The following SEMA6A variants were observed in gnomAD, a reference collection of about 807,000 sequenced individuals.
SEMA6A encodes the protein semaphorin-6A.
Under a neutral mutation model 96.8 loss-of-function variants are expected in SEMA6A, and 25 were observed. The ratio of observed to expected loss-of-function variants is 0.26; its 90% CI spans 0.19 to 0.36. The LOEUF is 0.36. SEMA6A is among the 10% of genes least tolerant of loss of function. SEMA6A has a pLI of 1.00. For synonymous variants in SEMA6A, 612 were observed against 518.0 expected, an observed-to-expected ratio of 1.18 and a Z score of -2.46; for missense variants, 1,363 against 1,323.1, an observed-to-expected ratio of 1.03 and a Z score of -0.47.
chr5:116,505,189 T>C (rs957015615), intron 1 of SEMA6A, among the ~76,000 whole-genome samples: 9 of 152,158 alleles, frequency 5.9e-5, no homozygotes, highest in African/African-American at 2.2e-4. Flanking sequence ...TTTTGCAAAG[T>C]TTCTCCAATA....
At chr5:116,513,114 A>T (rs1758495784) in intron 1 of SEMA6A, among the ~76,000 whole-genome samples, 1 of 152,026 alleles carries the variant, frequency 6.6e-6, no homozygotes, top group Non-Finnish European at 1.5e-5. Flanking sequence ...GCTATCCATT[A>T]TAAAGGCAGC....
intron 3 of SEMA6A, chr5:116,498,594 A>C: frequency 8.0e-6 from 1 of 124,780 alleles, no homozygotes; most frequent in African/African-American, 3.1e-5. Context: ...AGGGGGTGGA[A>C]GGGCGTGGTA....
intron 6 of SEMA6A, among the ~76,000 whole-genome samples, chr5:116,492,136 C>G (rs1391426227): frequency 6.6e-6 from 1 of 152,092 alleles, no homozygotes; most frequent in East Asian, 1.9e-4. Context: ...TTGTTGAACT[C>G]TGACAGACTC....
chr5:116,446,503 C>G lies in SEMA6A; in HGVS notation c.*110G>C, dbSNP rs930391474. ...GAGGACCCAGCGTCCTCGGCTCTGC[C>G]GCAGGCCTTCTTGGTCTGGTGGGTA... On this transcript the variant is annotated 3_prime_UTR_variant, in exon 19 of 19. Transcript: ENST00000343348. The G allele has an allele frequency of 2.1e-6, 2 of 954,776 alleles. No individual in the cohort carries two copies. The highest frequency in any genetic ancestry group is 1.5e-6 in the Non-Finnish European group (1 of 666,524). 59.1% of individuals were successfully genotyped at this position (954,776 alleles called of 1,614,324 possible).
rs144763927 is a variant in SEMA6A, at chr5:116,519,568, G to A, written c.-38-14586C>T. 7.8e-3 allele frequency among the ~76,000 whole-genome samples: 1,189 copies of A among 152,158 alleles called. 7 individuals carry two copies. Among genetic ancestry groups the A allele is most frequent in the Non-Finnish European group, 0.011 (752 of 67,990 alleles). On this transcript the variant is annotated intron_variant, in intron 1 of 18. Coordinates refer to ENST00000343348, the MANE Select transcript of SEMA6A (RefSeq NM_020796.5). ...GCAAGGCACTGTGCGGGAACAGTGC[G>A]GATATTGGGGTCATGGGCTCACCCA...
rs543729090 is a variant in SEMA6A at position 116,570,406 on chromosome 5, A to C, written c.-39+3779T>G. ...GCCTCAAGGCATCACCTTCCTCAAC[A>C]TGCACAAATGTGGCTGCCATAACAC... is the stretch of plus-strand genomic sequence containing the variant. On this transcript the variant is annotated intron_variant, in intron 1 of 18. Transcript: ENST00000343348. Among the ~76,000 whole-genome samples, 3 of 152,324 alleles carry C rather than the reference A, an allele frequency of 2.0e-5. No individual in the cohort carries two copies. In the East Asian group the frequency reaches 5.8e-4, roughly 29 times the overall value.
rs955107494 is a variant in SEMA6A, at chr5:116,444,480, AAG to A, written c.*2131_*2132del. 3.3e-5 allele frequency: 5 copies of A among 152,358 alleles called. No individual in the cohort carries two copies. The highest frequency in any genetic ancestry group is 7.4e-5 in the Non-Finnish European group (5 of 68,022). The allele number at this position is 152,358 out of a possible 1,614,324, so 9.4% of individuals were successfully genotyped here. A position where few individuals can be genotyped will look rare whatever the true frequency, so the allele number is the denominator to read the frequency against. On this transcript the variant is annotated 3_prime_UTR_variant, in exon 19 of 19. Coordinates refer to ENST00000343348, the MANE Select transcript of SEMA6A (RefSeq NM_020796.5). ...ATCGAACTGGAAATAAAAGCAGACA[AAG>A]AGACCACCAAATATACTGTTTAAAA...
rs1725653473 is a variant in SEMA6A at position 116,488,129 on chromosome 5, C to T, written c.723G>A (p.Val241=). 1.2e-6 allele frequency: 2 copies of T among 1,610,874 alleles called. No homozygotes were observed. Among genetic ancestry groups the T allele is most frequent in the Non-Finnish European group, 1.7e-6 (2 of 1,177,816 alleles). ...YIYFFFREIA[V]EYNTMGKVVF... ...TTACCTTTCCCATGGTGTTATACTC[C>T]ACTGCTATTTCCCTGAAGAAGAAGT... is the stretch of plus-strand genomic sequence containing the variant. The change falls in exon 9 of 19, where the codon GTG becomes GTA. Residue 241 remains valine, a synonymous_variant. Transcript: ENST00000343348.
At chr5:116,563,032 A>T (rs1488776520) in intron 1 of SEMA6A, 1 of 474,990 alleles carries the variant, frequency 2.1e-6, no homozygotes, top group East Asian at 5.0e-5. Flanking sequence ...AGACTCCTCA[A>T]AATATTTTGT....
rs781007196 is a variant in SEMA6A, at chr5:116,447,602, C to G, written c.2104G>C (p.Val702Leu). 1.2e-6 allele frequency: 2 copies of G among 1,614,024 alleles called. No individual in the cohort carries two copies. Among genetic ancestry groups the G allele is most frequent in the African/African-American group, 1.3e-5 (1 of 75,068 alleles). Reference protein sequence around the residue: ...THSRRGSMSSVTKLSGLFGDT... With the variant: ...THSRRGSMSSLTKLSGLFGDT... ...CCAAAGAGGCCGCTGAGCTTGGTGA[C>G]GCTGCTCATGGAGCCCCGGCGCGAG... Residue 702 changes from valine to leucine, a missense_variant, in exon 19 of 19, where the codon GTC becomes CTC. By Grantham distance (32) the Val-to-Leu change is conservative (BLOSUM62 1). Transcript: ENST00000343348.
At chr5:116,451,858 G>A (rs978301091) in intron 18 of SEMA6A, among the ~76,000 whole-genome samples, 1 of 151,720 alleles carries the variant, frequency 6.6e-6, no homozygotes, top group African/African-American at 2.4e-5. Flanking sequence ...ACAATAAGAA[G>A]AGAAACTATT....
At chr5:116,488,255 A>G (rs2112721592) in intron 8 of SEMA6A, 59 bp from the exon 9 acceptor site, 2 of 1,145,294 alleles carry the variant, frequency 1.7e-6, no homozygotes, top group Middle Eastern at 1.9e-4. Flanking sequence ...CAGAATTTCA[A>G]TCAAGTGTAG....
At chr5:116,556,013 C>A (rs903941274) in intron 1 of SEMA6A, among the ~76,000 whole-genome samples, 2 of 152,078 alleles carry the variant, frequency 1.3e-5, no homozygotes, top group African/African-American at 4.8e-5. Context: ...CTCGGAGTTT[C>A]TTCCTCTGAG....
At chr5:116,537,926 C>A (rs1409772936) in intron 1 of SEMA6A, among the ~76,000 whole-genome samples, 2 of 152,164 alleles carry the variant, frequency 1.3e-5, no homozygotes, top group Non-Finnish European at 2.9e-5. Context: ...CCTATAATCC[C>A]AGCACTTTGG....
chr5:116,538,915 T>G (rs1243561939), intron 1 of SEMA6A, among the ~76,000 whole-genome samples: 3 of 152,040 alleles, frequency 2.0e-5, no homozygotes, highest in African/African-American at 7.3e-5. Flanking sequence ...CTTTTCCTTC[T>G]TTGCCTTTGC....
chr5:116,512,678 C>A (rs1580457944), intron 1 of SEMA6A, among the ~76,000 whole-genome samples: 1 of 152,044 alleles, frequency 6.6e-6, no homozygotes, highest in East Asian at 1.9e-4. Context: ...TGTTCGTTTT[C>A]TTTCTCTCTA....
intron 10 of SEMA6A, 24 bp downstream of exon 10, chr5:116,486,725 T>A (rs753776409): frequency 1.3e-6 from 2 of 1,595,754 alleles, no homozygotes; most frequent in Non-Finnish European, 1.7e-6. Context: ...ATTGATGAGG[T>A]CAACACAGCT....
chr5:116,481,640 G>A (rs546671912), intron 11 of SEMA6A, among the ~76,000 whole-genome samples: 206 of 152,308 alleles, frequency 1.4e-3, no homozygotes, highest in African/African-American at 4.7e-3. Context: ...TCCTGGGGAA[G>A]ACAGACACCA....
At chr5:116,493,740 T>C (rs1355549872) in intron 6 of SEMA6A, among the ~76,000 whole-genome samples, 1 of 152,160 alleles carries the variant, frequency 6.6e-6, no homozygotes, top group Non-Finnish European at 1.5e-5. Context: ...GATTCCAGCC[T>C]ATCATTGCTT....
Sources: gnomAD v4.1 joint callset for allele counts (sites outside exome capture counted in the v4.1 genomes callset) on GRCh38, gnomAD v4.1.1 for gene constraint, MANE v1.5 for transcripts, NCBI Gene and HGNC (gene_info 2026-07-23, HGNC 2026-07-21) for gene names.